Variants in FAP observed in about 807,000 individuals in gnomAD.
FAP encodes the protein fibroblast activation protein alpha.
FAP carries 110 observed loss-of-function variants against 126.5 expected under a neutral mutation model. The ratio of observed to expected loss-of-function variants is 0.87; its 90% CI spans 0.74 to 1.02. The LOEUF (loss-of-function observed/expected upper bound fraction) is 1.02, where lower values mean the gene tolerates loss of function less well. Ranked by LOEUF, FAP falls within the 50% of genes least tolerant of loss-of-function variation. The probability of loss-of-function intolerance (pLI) is 0.00; values close to 1 mark genes in which losing one functional copy is unlikely to be tolerated. For missense variants in FAP, 919 were observed against 909.2 expected, an observed-to-expected ratio of 1.01 and a Z score of -0.14; for synonymous variants, 334 against 297.3, an observed-to-expected ratio of 1.12 and a Z score of -1.27.
chr2:162,243,249 A>G (rs1690424481), intron 1 of FAP, 73 bp downstream of exon 1: 3 of 1,198,794 alleles, frequency 2.5e-6, no homozygotes, highest in Non-Finnish European at 3.7e-6. Context: ...CTTCTAAACA[A>G]TAGAAAACTC....
At chr2:162,183,547 CCAAA>C in intron 20 of FAP, 79 bp from the exon 21 acceptor site, 3 of 820,716 alleles carry the variant, frequency 3.7e-6, no homozygotes, top group Non-Finnish European at 6.1e-6. Flanking sequence ...CATATTTAAT[CCAAA>C]GATTTAATAG....
At chr2:162,212,415 T>C (rs529000814) in intron 11 of FAP, among the ~76,000 whole-genome samples, 1 of 152,344 alleles carries the variant, frequency 6.6e-6, no homozygotes, top group South Asian at 2.1e-4. Context: ...CTATCCTTTC[T>C]TTGCCTATGA....
Position 162,225,554 on chromosome 2 carries a change from C to A in FAP, c.214G>T (p.Ala72Ser), listed in dbSNP as rs1415901750. 3 of 1,598,336 alleles carry A rather than the reference C, an allele frequency of 1.9e-6. No homozygotes were observed. The highest frequency in any genetic ancestry group is 2.6e-6 in the Non-Finnish European group (3 of 1,171,682). Residue 72 changes from alanine (A) to serine (S), a missense_variant, in exon 4 of 26, where the codon GCA (alanine) becomes TCA (serine). Transcript: ENST00000188790. ...TTATAAAGTACTATATTGTTATCTG[C>A]AGATTGATGAAGATATTCTTGTCCT... The part of the protein sequence containing the change: ...ISGQEYLHQS[A>S]DNNIVLYNIE...
At chr2:162,191,583 T>C (rs1024965204) in intron 17 of FAP, among the ~76,000 whole-genome samples, 4 of 152,256 alleles carry the variant, frequency 2.6e-5, no homozygotes, top group African/African-American at 9.6e-5. Context: ...TCCACATGTA[T>C]TTGTAGGCTC....
At position 162,219,177 on chromosome 2, in the gene FAP, C is replaced by CAT; in HGVS notation, c.491_492dup (p.Val165MetfsTer9). 1 of 1,604,390 alleles carries CAT rather than the reference C, an allele frequency of 6.2e-7. No homozygotes were observed. The highest frequency in any genetic ancestry group is 2.2e-5 in the East Asian group (1 of 44,560). On this transcript the variant is annotated frameshift_variant, in exon 8 of 26. Transcript: ENST00000188790. LOFTEE classifies it high-confidence loss of function. The stretch of plus-strand genomic sequence containing the variant: ...TTCAAATAGATATTGTTTTGATAGA[C>CAT]ATATGCCTAAAAGTGGTGGTAAGGG...
intron 21 of FAP, among the ~76,000 whole-genome samples, chr2:162,178,114 C>T (rs1207400868): frequency 1.3e-5 from 2 of 152,088 alleles, no homozygotes; most frequent in African/African-American, 4.8e-5. Flanking sequence ...TGCATTTGTC[C>T]TACTTTTACA....
At chr2:162,204,462 C>T (rs1688621515) in intron 12 of FAP, among the ~76,000 whole-genome samples, 1 of 152,106 alleles carries the variant, frequency 6.6e-6, no homozygotes, top group Non-Finnish European at 1.5e-5. Context: ...TTAAAGAGGG[C>T]CCTAACTCTA....
At chr2:162,207,126 T>C (rs1688733831) in intron 12 of FAP, among the ~76,000 whole-genome samples, 1 of 152,232 alleles carries the variant, frequency 6.6e-6, no homozygotes, top group African/African-American at 2.4e-5. Flanking sequence ...GTTAATTTTA[T>C]TAAGTCACTA....
At chr2:162,173,641 C>A (rs1687389171) in intron 23 of FAP, 82 bp downstream of exon 23, 3 of 954,440 alleles carry the variant, frequency 3.1e-6, no homozygotes, top group Non-Finnish European at 5.0e-6. Flanking sequence ...AGAATTAAAA[C>A]TGTAAATTCT....
intron 2 of FAP, among the ~76,000 whole-genome samples, chr2:162,237,225 T>C (rs1172231107): frequency 1.3e-5 from 2 of 152,222 alleles, no homozygotes. Context: ...TTATTGCAAT[T>C]TTTTAAATTA....
intron 21 of FAP, among the ~76,000 whole-genome samples, chr2:162,178,961 A>G (rs1016529233): frequency 2.0e-5 from 3 of 152,124 alleles, no homozygotes; most frequent in African/African-American, 7.2e-5. Flanking sequence ...ACCTCTTCCA[A>G]CTGCTACTTC....
chr2:162,228,299 T>C (rs998155444), intron 2 of FAP, among the ~76,000 whole-genome samples: 4 of 152,162 alleles, frequency 2.6e-5, no homozygotes, highest in African/African-American at 9.7e-5. Flanking sequence ...GGTACTGGAC[T>C]AGAAGGTGTT....
intron 12 of FAP, among the ~76,000 whole-genome samples, chr2:162,205,574 C>T (rs1167085354): frequency 6.6e-6 from 1 of 151,838 alleles, no homozygotes; most frequent in Non-Finnish European, 1.5e-5. Flanking sequence ...GTGCAAATAG[C>T]GTGGTCTTGG....
At chr2:162,204,407 T>C (rs1265072540) in intron 12 of FAP, among the ~76,000 whole-genome samples, 1 of 152,142 alleles carries the variant, frequency 6.6e-6, no homozygotes, top group Non-Finnish European at 1.5e-5. Flanking sequence ...CTTTTGGAAA[T>C]GGGGTCTTCG....
intron 2 of FAP, among the ~76,000 whole-genome samples, chr2:162,226,879 A>G (rs1181990156): frequency 1.3e-5 from 2 of 152,140 alleles, no homozygotes; most frequent in Non-Finnish European, 2.9e-5. Flanking sequence ...AGGAAGATAA[A>G]GATTACAGAG....
chr2:162,225,448 G>A (rs1421292046), intron 4 of FAP, 35 bp downstream of exon 4: 4 of 1,583,492 alleles, frequency 2.5e-6, no homozygotes, highest in African/African-American at 1.4e-5. Flanking sequence ...AGTGGGCAAA[G>A]GTTTCTGAGG....
intron 11 of FAP, among the ~76,000 whole-genome samples, chr2:162,210,304 A>T (rs929673564): frequency 6.6e-6 from 1 of 152,214 alleles, no homozygotes; most frequent in African/African-American, 2.4e-5. Flanking sequence ...TAGGTAAAAC[A>T]GTGGAGTTTG....
chr2:162,170,717 T>C lies in FAP; in HGVS notation c.*262A>G. On this transcript the variant is annotated 3_prime_UTR_variant, in exon 26 of 26. Transcript: ENST00000188790. ...GAACTTCTGACTTTATTATTTTTCTTCAAATGAACAGGTGATAAAACACTG... is the reference window on the plus strand; with the variant it reads ...GAACTTCTGACTTTATTATTTTTCTCCAAATGAACAGGTGATAAAACACTG... 1 of 362,996 alleles carries C rather than the reference T, an allele frequency of 2.8e-6. No homozygotes were observed. The highest frequency in any genetic ancestry group is 5.0e-6 in the Non-Finnish European group (1 of 198,414). 22.5% of individuals were successfully genotyped at this position (362,996 alleles called of 1,614,324 possible).
chr2:162,192,819 A>G (rs972564865), intron 17 of FAP, among the ~76,000 whole-genome samples: 2 of 152,186 alleles, frequency 1.3e-5, no homozygotes, highest in Non-Finnish European at 1.5e-5. Context: ...TCATCCAAAT[A>G]GCATTATCAC....
Sources: allele counts gnomAD v4.1 joint callset (sites outside exome capture counted in the v4.1 genomes callset), GRCh38; gene constraint gnomAD v4.1.1; transcripts MANE v1.5; gene names NCBI Gene and HGNC (gene_info 2026-07-23, HGNC 2026-07-21).